Variants in MAP3K20 observed in about 807,000 individuals in gnomAD.
MAP3K20 encodes the protein HCCS-4.
A neutral mutation model predicts 85.7 loss-of-function variants in MAP3K20; 40 were observed. That is an observed-to-expected ratio of 0.47 (90% CI 0.36 to 0.61). The LOEUF (loss-of-function observed/expected upper bound fraction) is 0.61, where lower values mean the gene tolerates loss of function less well. Ranked by LOEUF, MAP3K20 falls within the 20% of genes least tolerant of loss-of-function variation. MAP3K20 has a pLI of 0.00. For missense variants in MAP3K20, 817 were observed against 961.7 expected, an observed-to-expected ratio of 0.85 and a Z score of 1.99; for synonymous variants, 325 against 327.7, an observed-to-expected ratio of 0.99 and a Z score of 0.09.
At chr2:173,244,697 C>G (rs2106342132) in intron 16 of MAP3K20, among the ~76,000 whole-genome samples, 1 of 152,270 alleles carries the variant, frequency 6.6e-6, no homozygotes, top group South Asian at 2.1e-4. Context: ...TGAATTATAC[C>G]AGCTATGCCA....
intron 11 of MAP3K20, among the ~76,000 whole-genome samples, chr2:173,220,585 T>C (rs1444487367): frequency 6.6e-6 from 1 of 152,204 alleles, no homozygotes; most frequent in African/African-American, 2.4e-5. Context: ...TGGAAGCAAG[T>C]GAATTCTAGA....
intron 2 of MAP3K20, among the ~76,000 whole-genome samples, chr2:173,145,662 G>C (rs896617896): frequency 2.0e-5 from 3 of 152,086 alleles, no homozygotes; most frequent in African/African-American, 7.2e-5. Flanking sequence ...TATGTTTTTG[G>C]GGGGAGTGTG....
intron 2 of MAP3K20, among the ~76,000 whole-genome samples, chr2:173,165,195 G>GA (rs1295189045): frequency 6.6e-6 from 1 of 151,954 alleles, no homozygotes. Flanking sequence ...GATCATCTGA[G>GA]ATCAGGAGTT....
At chr2:173,261,514 C>G (rs1416973284) in intron 18 of MAP3K20, among the ~76,000 whole-genome samples, 1 of 152,054 alleles carries the variant, frequency 6.6e-6, no homozygotes, top group African/African-American at 2.4e-5. Flanking sequence ...GGTACGTAGA[C>G]CCGGTGGGAG....
chr2:173,233,174 G>T (rs1457984102), intron 14 of MAP3K20, among the ~76,000 whole-genome samples: 1 of 152,180 alleles, frequency 6.6e-6, no homozygotes, highest in Non-Finnish European at 1.5e-5. Context: ...AGGTGACTCA[G>T]TTTAATTCTA....
intron 2 of MAP3K20, among the ~76,000 whole-genome samples, chr2:173,139,788 A>G (rs767744558): frequency 6.6e-6 from 1 of 152,000 alleles, no homozygotes. Flanking sequence ...TATTTTACAC[A>G]CTCAGTATCA....
chr2:173,221,130 C>A (rs906407846), intron 11 of MAP3K20: 1 of 1,462,302 alleles, frequency 6.8e-7, no homozygotes. Context: ...TTACTTCTGT[C>A]CTTTCTTCCC....
At chr2:173,086,569 A>G (rs551813910) in intron 1 of MAP3K20, among the ~76,000 whole-genome samples, 3 of 152,358 alleles carry the variant, frequency 2.0e-5, no homozygotes, top group South Asian at 4.1e-4. Context: ...GGATAGTTCC[A>G]TTCACAACTA....
intron 2 of MAP3K20, among the ~76,000 whole-genome samples, chr2:173,115,819 G>A (rs762811405): frequency 2.6e-5 from 4 of 152,070 alleles, no homozygotes; most frequent in African/African-American, 4.8e-5. Context: ...TGGAGGTGGC[G>A]GGGGATGCAG....
At chr2:173,252,525 A>AT (rs1420284768) in intron 16 of MAP3K20, among the ~76,000 whole-genome samples, 49 of 152,306 alleles carry the variant, frequency 3.2e-4, no homozygotes, top group African/African-American at 1.1e-3. Flanking sequence ...AAACACACAC[A>AT]TTCCCCTCGC....
At chr2:173,076,025 C>G in intron 1 of MAP3K20, 23 bp downstream of exon 1, 1 of 983,816 alleles carries the variant, frequency 1.0e-6, no homozygotes, top group Non-Finnish European at 1.2e-6. Flanking sequence ...CTGGAGCCCG[C>G]GGAGGGCGGG....
At chr2:173,167,467 C>G (rs898500771) in intron 2 of MAP3K20, among the ~76,000 whole-genome samples, 1 of 152,064 alleles carries the variant, frequency 6.6e-6, no homozygotes, top group Non-Finnish European at 1.5e-5. Flanking sequence ...TCCATGAAAT[C>G]AGTACAGCAC....
At chr2:173,145,164 G>A (rs1209342443) in intron 2 of MAP3K20, among the ~76,000 whole-genome samples, 1 of 151,818 alleles carries the variant, frequency 6.6e-6, no homozygotes, top group Non-Finnish European at 1.5e-5. Flanking sequence ...TGTGACCTTT[G>A]ATAGCCAGAT....
chr2:173,187,859 C>T (rs1285988289), intron 5 of MAP3K20, among the ~76,000 whole-genome samples: 1 of 152,166 alleles, frequency 6.6e-6, no homozygotes, highest in African/African-American at 2.4e-5. Flanking sequence ...GAATTGTTTA[C>T]ATTTTTTCTC....
At chr2:173,128,990 C>T (rs1440920795) in intron 2 of MAP3K20, among the ~76,000 whole-genome samples, 5 of 133,564 alleles carry the variant, frequency 3.7e-5, no homozygotes, top group African/African-American at 8.5e-5. Context: ...ATGGCGCAAT[C>T]TCGGCTCACT....
At chr2:173,264,375 A>G (rs1328919853) in intron 19 of MAP3K20, among the ~76,000 whole-genome samples, 1 of 152,176 alleles carries the variant, frequency 6.6e-6, no homozygotes. Flanking sequence ...CTGCCCTGCC[A>G]TGCTCAATAG....
intron 2 of MAP3K20, among the ~76,000 whole-genome samples, chr2:173,127,099 A>G (rs1001238814): frequency 6.6e-6 from 1 of 152,202 alleles, no homozygotes; most frequent in African/African-American, 2.4e-5. Flanking sequence ...CAAAATAAAT[A>G]CAACAAGGAA....
intron 2 of MAP3K20, among the ~76,000 whole-genome samples, chr2:173,092,326 C>T (rs1180872677): frequency 6.6e-6 from 1 of 152,234 alleles, no homozygotes; most frequent in Non-Finnish European, 1.5e-5. Flanking sequence ...GAGAAAGTCA[C>T]TTTCCCTTTC....
chr2:173,081,833 A>G (rs1687022609), intron 1 of MAP3K20, among the ~76,000 whole-genome samples: 2 of 152,170 alleles, frequency 1.3e-5, no homozygotes, highest in Non-Finnish European at 2.9e-5. Flanking sequence ...TTTATAGTAG[A>G]TTAGTCATCA....
Sources: allele counts gnomAD v4.1 joint callset (sites outside exome capture counted in the v4.1 genomes callset), GRCh38; gene constraint gnomAD v4.1.1; transcripts MANE v1.5; gene names NCBI Gene and HGNC (gene_info 2026-07-23, HGNC 2026-07-21).